Variants in RPS6KA6 observed in about 807,000 individuals in gnomAD.
The protein encoded by RPS6KA6 is ribosomal protein S6 kinase alpha-6.
RPS6KA6 carries 27 observed loss-of-function variants against 65.4 expected under a neutral mutation model. That is an observed-to-expected ratio of 0.41 (90% CI 0.30 to 0.57). The LOEUF is 0.57. Among genes scored for constraint, RPS6KA6 ranks in the 20% least tolerant of loss-of-function variants. The pLI, the probability that RPS6KA6 is intolerant of heterozygous loss-of-function variation, is 0.24. For missense variants in RPS6KA6, 486 were observed against 555.6 expected, an observed-to-expected ratio of 0.87 and a Z score of 1.26; for synonymous variants, 190 against 184.2, an observed-to-expected ratio of 1.03 and a Z score of -0.26.
intron 6 of RPS6KA6, among the ~76,000 whole-genome samples, chrX:84,141,569 A>G (rs1476221020): frequency 9.0e-6 from 1 of 111,402 alleles, no homozygotes; most frequent in African/African-American, 3.3e-5. Flanking sequence ...CCCAATTAAA[A>G]GACGTGGACT....
chrX:84,077,284 G>A (rs180796184), intron 20 of RPS6KA6, among the ~76,000 whole-genome samples: 100 of 110,711 alleles, frequency 9.0e-4, no homozygotes, highest in African/African-American at 3.0e-3. Context: ...ACCCAAAATA[G>A]CAAAACAACA....
chrX:84,116,792 G>A (rs1047595080), intron 11 of RPS6KA6, among the ~76,000 whole-genome samples: 3 of 110,712 alleles, frequency 2.7e-5, no homozygotes, highest in Admixed American at 9.7e-5. Flanking sequence ...AAGATTACCT[G>A]TACAAGGGAG....
At chrX:84,177,051 T>C (rs922778866) in intron 1 of RPS6KA6, among the ~76,000 whole-genome samples, 24 of 110,961 alleles carry the variant, frequency 2.2e-4, no homozygotes, top group African/African-American at 7.8e-4. Context: ...ACCATCCTCT[T>C]GAGAAATGAA....
intron 8 of RPS6KA6, among the ~76,000 whole-genome samples, chrX:84,131,224 A>G (rs780394262): frequency 7.1e-4 from 80 of 112,159 alleles, no homozygotes; most frequent in African/African-American, 2.5e-3. Flanking sequence ...TTAAAAATAA[A>G]AAAGTTTATA....
intron 8 of RPS6KA6, among the ~76,000 whole-genome samples, chrX:84,129,570 T>C (rs2034858519): frequency 9.0e-6 from 1 of 111,536 alleles, no homozygotes; most frequent in African/African-American, 3.3e-5. Context: ...AGCACTGTTT[T>C]TAATAACCAA....
intron 6 of RPS6KA6, among the ~76,000 whole-genome samples, chrX:84,138,446 G>C (rs891835765): frequency 9.0e-6 from 1 of 110,709 alleles, no homozygotes; most frequent in African/African-American, 3.3e-5. Context: ...CAAGCTATTC[G>C]GGAGGCGGAG....
intron 17 of RPS6KA6, among the ~76,000 whole-genome samples, chrX:84,103,783 C>A (rs188795070): frequency 5.4e-5 from 6 of 110,881 alleles, no homozygotes; most frequent in Admixed American, 9.6e-5. Flanking sequence ...AAACCACACA[C>A]AAAATTGAGT....
At chrX:84,166,505 A>T (rs1407383245) in intron 1 of RPS6KA6, among the ~76,000 whole-genome samples, 1 of 111,784 alleles carries the variant, frequency 8.9e-6, no homozygotes, top group Non-Finnish European at 1.9e-5. Context: ...TGGCTGAGGA[A>T]ATAAACTTTA....
At chrX:84,132,833 C>T (rs775620173) in intron 8 of RPS6KA6, among the ~76,000 whole-genome samples, 1 of 109,034 alleles carries the variant, frequency 9.2e-6, no homozygotes, top group South Asian at 3.9e-4. Flanking sequence ...TTTCTATAGT[C>T]CATTGTAATT....
chrX:84,156,354 G>A (rs752924777), intron 2 of RPS6KA6, among the ~76,000 whole-genome samples, 163 bp from the exon 3 acceptor site: 1 of 111,009 alleles, frequency 9.0e-6, no homozygotes, highest in Non-Finnish European at 1.9e-5. Flanking sequence ...AACACATACA[G>A]CACACACAGA....
At chrX:84,155,261 C>T (rs2035396269) in intron 3 of RPS6KA6, among the ~76,000 whole-genome samples, 1 of 111,368 alleles carries the variant, frequency 9.0e-6, no homozygotes, top group South Asian at 3.7e-4. Context: ...CTATAAATAA[C>T]CTATGCTCAA....
chrX:84,137,105 T>C (rs956412747), intron 6 of RPS6KA6, among the ~76,000 whole-genome samples: 9 of 111,952 alleles, frequency 8.0e-5, no homozygotes, highest in Admixed American at 3.8e-4. Context: ...CCAGTACTCT[T>C]GAGTAAAGCA....
chrX:84,072,559 T>C lies in RPS6KA6; in HGVS notation c.1972-7448A>G, dbSNP rs769197286. Among the ~76,000 whole-genome samples the C allele has an allele frequency of 9.0e-5, 10 of 111,539 alleles. No individual in the cohort carries two copies. In the East Asian group the frequency reaches 2.8e-3, roughly 31 times the overall value. Reference sequence around the variant, plus strand: ...GTTCTGGAAGTCCTAGCCAGAACAATTGGGCAAAAGAAATAAGGGGCATGC... The same window carrying C: ...GTTCTGGAAGTCCTAGCCAGAACAACTGGGCAAAAGAAATAAGGGGCATGC... On this transcript the variant is annotated intron_variant, in intron 20 of 21. Transcript: ENST00000262752.
chrX:84,112,754 C>T (rs1169774642), intron 12 of RPS6KA6, among the ~76,000 whole-genome samples: 2 of 111,440 alleles, frequency 1.8e-5, no homozygotes, highest in African/African-American at 3.3e-5. Flanking sequence ...TCAAACTACA[C>T]GAAAGTAGAA....
chrX:84,120,469 T>A (rs1347479967), intron 8 of RPS6KA6, among the ~76,000 whole-genome samples: 1 of 111,615 alleles, frequency 9.0e-6, no homozygotes, highest in African/African-American at 3.2e-5. Flanking sequence ...ATGTCAATAA[T>A]AAAAATCAAT....
chrX:84,156,564 A>G (rs1168520201), intron 2 of RPS6KA6, among the ~76,000 whole-genome samples: 1 of 111,383 alleles, frequency 9.0e-6, no homozygotes, highest in Non-Finnish European at 1.9e-5. Flanking sequence ...GTGGGGCATG[A>G]CCAAAAAACG....
Position 84,062,790 on chromosome X carries a change from T to C in RPS6KA6, c.*1487A>G, listed in dbSNP as rs1469124768. 2 of 111,360 alleles carry C rather than the reference T, an allele frequency of 1.8e-5. No homozygotes were observed. Among genetic ancestry groups the C allele is most frequent in the South Asian group, 7.4e-4 (2 of 2,712 alleles). 9.2% of individuals were successfully genotyped at this position (111,360 alleles called of 1,213,427 possible). ...ATAATTCAGCACTCAGTAATCAACT[T>C]TCTCTCTGAATAAAGCAAAATAAAA... On this transcript the variant is annotated 3_prime_UTR_variant, in exon 22 of 22. Coordinates refer to ENST00000262752, the MANE Select transcript of RPS6KA6 (RefSeq NM_014496.5).
chrX:84,188,269 G>A (rs933020443), upstream of RPS6KA6, among the ~76,000 whole-genome samples: 5 of 111,049 alleles, frequency 4.5e-5, no homozygotes, highest in Non-Finnish European at 9.5e-5. Context: ...CAGCGGCGGC[G>A]TTACCTGTGC....
intron 8 of RPS6KA6, among the ~76,000 whole-genome samples, chrX:84,129,177 G>A (rs2034848661): frequency 9.0e-6 from 1 of 111,500 alleles, no homozygotes; most frequent in Non-Finnish European, 1.9e-5. Context: ...ATTAAAAAAT[G>A]AGCACAAGAT....
Sources: allele counts gnomAD v4.1 joint callset (sites outside exome capture counted in the v4.1 genomes callset), GRCh38; gene constraint gnomAD v4.1.1; transcripts MANE v1.5; gene names NCBI Gene and HGNC (gene_info 2026-07-23, HGNC 2026-07-21).